The following NAV2 variants were observed in gnomAD, a reference collection of about 807,000 sequenced individuals.
NAV2 encodes the protein helicase, APC down-regulated 1.
Under a neutral mutation model 223.2 loss-of-function variants are expected in NAV2, and 54 were observed. That is an observed-to-expected ratio of 0.24 (90% CI 0.19 to 0.30). The LOEUF is 0.30. NAV2 is among the 10% of genes least tolerant of loss of function. The pLI, the probability that NAV2 is intolerant of heterozygous loss-of-function variation, is 1.00. For missense variants in NAV2, 2,806 were observed against 3,147.5 expected, an observed-to-expected ratio of 0.89 and a Z score of 2.60; for synonymous variants, 1,279 against 1,239.3, an observed-to-expected ratio of 1.03 and a Z score of -0.67.
intron 6 of NAV2, among the ~76,000 whole-genome samples, chr11:19,918,135 C>G (rs58691504): frequency 0.029 from 4,348 of 152,320 alleles, 214 homozygotes; most frequent in African/African-American, 0.1. Flanking sequence ...CCCAGTGCAC[C>G]TCAGTGTGGA....
rs764942693 is a variant in NAV2 at position 19,892,575 on chromosome 11, G to A, written c.912G>A (p.Pro304=). ...AACCAGTCACCTCCCCACCCCCACC[G>A]CCAAGCAGCCACGAGAAAGGTGAGT... ...KSKPVTSPPP[P]PSSHEKEPLA... is the part of the protein sequence containing the mutation. Residue 304 remains proline, a synonymous_variant, in exon 6 of 38, where the codon CCG becomes CCA. Transcript: ENST00000349880. The A allele has an allele frequency of 2.8e-5, 45 of 1,613,126 alleles. No homozygotes were observed. In the African/African-American group the frequency reaches 2.9e-4, roughly 11 times the overall value.
chr11:19,714,625 T>A, intron 1 of NAV2: 2 of 370,624 alleles, frequency 5.4e-6, no homozygotes, highest in Non-Finnish European at 1.1e-5. Context: ...GGGGTGGAGG[T>A]GGCTGCCTCA....
At chr11:19,868,289 A>T (rs1268972361) in intron 3 of NAV2, among the ~76,000 whole-genome samples, 1 of 152,178 alleles carries the variant, frequency 6.6e-6, no homozygotes, top group Non-Finnish European at 1.5e-5. Context: ...CTTGGGAATG[A>T]CCTAATTGTT....
At chr11:19,787,296 TTTG>T in intron 1 of NAV2, among the ~76,000 whole-genome samples, 1 of 136,156 alleles carries the variant, frequency 7.3e-6, no homozygotes, top group African/African-American at 2.7e-5. Context: ...TTTTTTTTTT[TTTG>T]GAGATGGGGT....
At chr11:19,696,893 T>C (rs542021744) in intron 1 of NAV2, among the ~76,000 whole-genome samples, 20 of 152,338 alleles carry the variant, frequency 1.3e-4, no homozygotes, top group African/African-American at 3.6e-4. Context: ...TGTTAAGATA[T>C]GATTTTCCTC....
intron 36 of NAV2, among the ~76,000 whole-genome samples, chr11:20,112,932 A>T (rs1046824654): frequency 1.3e-5 from 2 of 152,166 alleles, no homozygotes; most frequent in Non-Finnish European, 2.9e-5. Context: ...CCACGGCAGG[A>T]TTCGCGGGAG....
At chr11:19,857,859 T>A (rs1184500030) in intron 3 of NAV2, among the ~76,000 whole-genome samples, 2 of 152,236 alleles carry the variant, frequency 1.3e-5, no homozygotes, top group Admixed American at 6.5e-5. Flanking sequence ...GCTCATTTTT[T>A]AATTATTATT....
chr11:19,612,302 A>G (rs1431739257), intron 1 of NAV2, among the ~76,000 whole-genome samples: 3 of 151,978 alleles, frequency 2.0e-5, no homozygotes, highest in Non-Finnish European at 4.4e-5. Context: ...GCCTGGAGAC[A>G]TTTTCCCCAT....
At chr11:19,712,754 C>G (rs1290629093), upstream of NAV2, 1 of 151,918 alleles carries the variant, frequency 6.6e-6, no homozygotes, top group Non-Finnish European at 1.5e-5. Flanking sequence ...CCCGCGGCCG[C>G]TGATTGGCGC....
chr11:19,422,319 G>A (rs1023334173), intron 1 of NAV2, among the ~76,000 whole-genome samples: 3 of 152,194 alleles, frequency 2.0e-5, no homozygotes, highest in African/African-American at 7.2e-5. Flanking sequence ...GATGGTGAGA[G>A]AACCAGTGCT....
At chr11:19,878,097 A>C (rs1486007497) in intron 4 of NAV2, among the ~76,000 whole-genome samples, 2 of 152,214 alleles carry the variant, frequency 1.3e-5, no homozygotes, top group African/African-American at 2.4e-5. Context: ...CACATCACAC[A>C]GAGTGGTTTA....
chr11:19,755,316 C>G (rs966817354), intron 1 of NAV2, among the ~76,000 whole-genome samples: 1 of 152,170 alleles, frequency 6.6e-6, no homozygotes, highest in East Asian at 1.9e-4. Flanking sequence ...GAAATCTGAA[C>G]TCTGTCATTC....
chr11:19,399,620 G>A (rs1205616877), intron 1 of NAV2, among the ~76,000 whole-genome samples: 1 of 152,154 alleles, frequency 6.6e-6, no homozygotes, highest in Non-Finnish European at 1.5e-5. Context: ...GGGTTAAGAT[G>A]GCAGACCCTG....
At chr11:19,520,661 C>A (rs373381603) in intron 1 of NAV2, among the ~76,000 whole-genome samples, 1 of 152,322 alleles carries the variant, frequency 6.6e-6, no homozygotes. Context: ...AGACCCTAAG[C>A]TAAGGCCTCT....
intron 1 of NAV2, among the ~76,000 whole-genome samples, chr11:19,474,422 C>G (rs2632034): frequency 2.0e-5 from 3 of 152,058 alleles, no homozygotes; most frequent in African/African-American, 7.2e-5. Context: ...GATGTGTACA[C>G]TATGATACAA....
intron 1 of NAV2, among the ~76,000 whole-genome samples, chr11:19,692,640 T>TCAAATCAAATCTTATC (rs2049211177): frequency 6.6e-6 from 1 of 152,230 alleles, no homozygotes; most frequent in South Asian, 2.1e-4. Context: ...ATCTAATGCC[T>TCAAATCAAATCTTATC]CAGTGTCCTT....
At position 20,068,091 on chromosome 11, in the gene NAV2, T is replaced by G. The variant is rs146828558; in HGVS notation, c.4885-95T>G. 325 of 1,109,664 alleles carry G rather than the reference T, an allele frequency of 2.9e-4. 2 individuals carry two copies. The African/African-American group carries it at 4.3e-3, about 15-fold the overall frequency. 68.7% of individuals were successfully genotyped at this position (1,109,664 alleles called of 1,614,324 possible). On this transcript the variant is annotated intron_variant, in intron 20 of 37. Transcript: ENST00000349880. ...AAAGAAACTAATAATTCTTCCAGACTGCTGCAACCATCTGAATATGGTGTT... is the reference window on the plus strand; with the variant it reads ...AAAGAAACTAATAATTCTTCCAGACGGCTGCAACCATCTGAATATGGTGTT...
chr11:19,708,503 A>G (rs766843152), upstream of NAV2, among the ~76,000 whole-genome samples: 3 of 152,118 alleles, frequency 2.0e-5, no homozygotes, highest in Non-Finnish European at 2.9e-5. Context: ...TAGATGTTCC[A>G]GGCTCTTCAC....
chr11:19,852,461 T>C (rs938073954), intron 3 of NAV2, among the ~76,000 whole-genome samples: 1 of 152,320 alleles, frequency 6.6e-6, no homozygotes, highest in East Asian at 1.9e-4. Flanking sequence ...TTTCTAGTAC[T>C]GTGTCCACAT....
Sources: allele counts gnomAD v4.1 joint callset (sites outside exome capture counted in the v4.1 genomes callset), GRCh38; gene constraint gnomAD v4.1.1; transcripts MANE v1.5; gene names NCBI Gene and HGNC (gene_info 2026-07-23, HGNC 2026-07-21).